Variants in BDH2 observed in about 807,000 individuals in gnomAD.
BDH2 encodes the protein 3-hydroxybutyrate dehydrogenase 2.
A neutral mutation model predicts 33.2 loss-of-function variants in BDH2; 24 were observed. That is an observed-to-expected ratio of 0.72 (90% CI 0.52 to 1.02). The LOEUF (loss-of-function observed/expected upper bound fraction) is 1.02. Among genes scored for constraint, BDH2 ranks in the 50% least tolerant of loss-of-function variants. The probability of loss-of-function intolerance (pLI) is 0.00; values close to 1 mark genes in which losing one functional copy is unlikely to be tolerated. For synonymous variants in BDH2, 81 were observed against 101.6 expected (o/e 0.80, Z 1.22); for missense variants, 249 against 301.6 (o/e 0.83, Z 1.29).
At chr4:103,079,841 T>C in intron 9 of BDH2, 86 bp from the exon 10 acceptor site, 1 of 1,238,210 alleles carries the variant, frequency 8.1e-7, no homozygotes, top group South Asian at 1.2e-5. Context: ...CTAGGATAAC[T>C]AAACAATTTA....
At chr4:103,095,001 C>A (rs1031957925) in intron 3 of BDH2, among the ~76,000 whole-genome samples, 1 of 152,118 alleles carries the variant, frequency 6.6e-6, no homozygotes, top group African/African-American at 2.4e-5. Flanking sequence ...TTTAAGTATT[C>A]GTCCTCAAAT....
chr4:103,081,296 TA>T (rs1308077002), intron 9 of BDH2, among the ~76,000 whole-genome samples: 1 of 152,230 alleles, frequency 6.6e-6, no homozygotes, highest in Non-Finnish European at 1.5e-5. Flanking sequence ...TAAGAATTTT[TA>T]AAAATATTTA....
intron 7 of BDH2, 32 bp downstream of exon 7, chr4:103,085,317 C>T (rs1362826805): frequency 6.5e-7 from 1 of 1,542,900 alleles, no homozygotes; most frequent in Admixed American, 1.8e-5. Context: ...TTCAGTAAAA[C>T]TTTGCTTACA....
At position 103,082,917 on chromosome 4, in the gene BDH2, G is replaced by A. The variant is rs755596540; in HGVS notation, c.545C>T (p.Thr182Met). Residue 182 changes from threonine to methionine, a missense_variant, in exon 8 of 10, where the codon ACG becomes ATG. Physicochemically the swap from Thr to Met is moderately conservative, Grantham distance 81. Coordinates refer to ENST00000296424, the MANE Select transcript of BDH2 (RefSeq NM_020139.4). ...TTGTATTCTTTCTTGTAGAGATGGC[G>A]TATCAACTGTTCCTAAATCAAAGGG... Reference protein sequence around the residue: ...CNCVCPGTVDTPSLQERIQAR... With the variant: ...CNCVCPGTVDMPSLQERIQAR... The A allele has an allele frequency of 2.3e-5, 37 of 1,612,186 alleles. No individual in the cohort carries two copies. The highest frequency in any genetic ancestry group is 9.9e-5 in the South Asian group (9 of 91,052).
Position 103,079,425 on chromosome 4 carries a change from C to CT in BDH2, c.*276dup, listed in dbSNP as rs1354246023. 10 of 384,244 alleles carry CT rather than the reference C, an allele frequency of 2.6e-5. No individual in the cohort carries two copies. The highest frequency in any genetic ancestry group is 3.8e-5 in the Non-Finnish European group (8 of 209,826). The allele number at this position is 384,244 out of a possible 1,614,324, so 23.8% of individuals were successfully genotyped here. On this transcript the variant is annotated 3_prime_UTR_variant, in exon 10 of 10. Transcript: ENST00000296424. ...AATTTGTTATAGCAGCCCAAAGTGA[C>CT]TAAGACAGATGCTAACAAATCGAGA...
chr4:103,093,874 C>T (rs1281687776), intron 3 of BDH2, among the ~76,000 whole-genome samples: 1 of 151,442 alleles, frequency 6.6e-6, no homozygotes, highest in Non-Finnish European at 1.5e-5. Context: ...GTTTCAGAAA[C>T]ATTTCCTTAT....
intron 3 of BDH2, among the ~76,000 whole-genome samples, chr4:103,093,335 T>A (rs936037276): frequency 3.3e-5 from 5 of 151,920 alleles, no homozygotes; most frequent in Non-Finnish European, 7.4e-5. Flanking sequence ...GTCAAGGGTA[T>A]CCAGTCAAAT....
At position 103,079,076 on chromosome 4, in the gene BDH2, A is replaced by G. The variant is rs959357870; in HGVS notation, c.*626T>C. Among the ~76,000 whole-genome samples the G allele has an allele frequency of 1.3e-5, 2 of 152,190 alleles. No individual in the cohort carries two copies. Among genetic ancestry groups the G allele is most frequent in the African/African-American group, 2.4e-5 (1 of 41,454 alleles). On this transcript the variant is annotated 3_prime_UTR_variant, in exon 10 of 10. Transcript: ENST00000296424. ...TTACATTTTAATTGTATATGCTGCA[A>G]TGGCCTATTTGTATCACCCCAGAGT...
At chr4:103,091,757 GA>G (rs1406581982) in intron 4 of BDH2, 1 of 453,796 alleles carries the variant, frequency 2.2e-6, no homozygotes, top group Non-Finnish European at 4.4e-6. Flanking sequence ...AAAAAAAAAA[GA>G]GAGAGAGAAA....
At chr4:103,083,925 A>G (rs1353085180) in intron 7 of BDH2, among the ~76,000 whole-genome samples, 1 of 152,138 alleles carries the variant, frequency 6.6e-6, no homozygotes, top group Non-Finnish European at 1.5e-5. Flanking sequence ...CTCTTGTCAC[A>G]TTTTACTATA....
rs114690029 is a variant in BDH2 at position 103,079,198 on chromosome 4, T to C, written c.*504A>G. 0.011 allele frequency among the ~76,000 whole-genome samples: 1,648 copies of C among 152,266 alleles called. 32 individuals are homozygous for C. The highest frequency in any genetic ancestry group is 0.038 in the African/African-American group (1,581 of 41,530). Reference sequence around the variant, plus strand: ...AGGGTAGTGCCCTCATGAACAGGATTAGTGTCCTTATAAAAAGACACATGA... The same window carrying C: ...AGGGTAGTGCCCTCATGAACAGGATCAGTGTCCTTATAAAAAGACACATGA... On this transcript the variant is annotated 3_prime_UTR_variant, in exon 10 of 10. Coordinates refer to ENST00000296424, the MANE Select transcript of BDH2 (RefSeq NM_020139.4).
intron 4 of BDH2, 30 bp downstream of exon 4, chr4:103,092,570 G>A (rs951378572): frequency 2.0e-5 from 30 of 1,468,128 alleles, no homozygotes; most frequent in Non-Finnish European, 2.7e-5. Flanking sequence ...CTTTCTGTAA[G>A]GAAAGTGAAA....
At chr4:103,086,311 A>G (rs1747778195) in intron 6 of BDH2, 169 bp downstream of exon 6, 1 of 1,332,454 alleles carries the variant, frequency 7.5e-7, no homozygotes, top group African/African-American at 1.5e-5. Context: ...GCTCACATCG[A>G]GAGCAAAAGA....
chr4:103,098,242 T>C (rs1405114678), intron 1 of BDH2, among the ~76,000 whole-genome samples: 1 of 152,096 alleles, frequency 6.6e-6, no homozygotes, highest in Non-Finnish European at 1.5e-5. Context: ...ATTGGAGAAG[T>C]GTTTCAGAGA....
chr4:103,098,191 A>G (rs2125814445), intron 1 of BDH2, among the ~76,000 whole-genome samples: 1 of 152,316 alleles, frequency 6.6e-6, no homozygotes, highest in African/African-American at 2.4e-5. Flanking sequence ...CTGGTGAAAT[A>G]GCAGGGCTGG....
Position 103,078,214 on chromosome 4 carries a change from T to C in BDH2, c.*1488A>G, listed in dbSNP as rs917695429. 1.3e-5 allele frequency among the ~76,000 whole-genome samples: 2 copies of C among 152,222 alleles called. No homozygotes were observed. Among genetic ancestry groups the C allele is most frequent in the African/African-American group, 4.8e-5 (2 of 41,464 alleles). Reference sequence around the variant, plus strand: ...AAATTAAAATAAAAACAAAAAACTTTGCCCTGACAATGTTACAGAATTAAC... The same window carrying C: ...AAATTAAAATAAAAACAAAAAACTTCGCCCTGACAATGTTACAGAATTAAC... On this transcript the variant is annotated 3_prime_UTR_variant, in exon 10 of 10. Transcript: ENST00000296424.
intron 9 of BDH2, 66 bp downstream of exon 9, chr4:103,082,015 T>G (rs761072912): frequency 7.5e-5 from 97 of 1,300,904 alleles, no homozygotes; most frequent in Non-Finnish European, 9.8e-5. Context: ...TGATATTATT[T>G]TGATGAGCAA....
chr4:103,090,301 C>G (rs943469221), intron 5 of BDH2, among the ~76,000 whole-genome samples: 1 of 152,120 alleles, frequency 6.6e-6, no homozygotes, highest in Non-Finnish European at 1.5e-5. Context: ...TGATTTATAC[C>G]AAGAGGTACT....
At chr4:103,096,870 T>C (rs971756527) in intron 1 of BDH2, among the ~76,000 whole-genome samples, 1 of 152,230 alleles carries the variant, frequency 6.6e-6, no homozygotes, top group East Asian at 1.9e-4. Context: ...TACCTTATCC[T>C]TCCTTCAGTA....
Sources: gnomAD v4.1 joint callset for allele counts (sites outside exome capture counted in the v4.1 genomes callset) on GRCh38, gnomAD v4.1.1 for gene constraint, MANE v1.5 for transcripts, NCBI Gene and HGNC (gene_info 2026-07-23, HGNC 2026-07-21) for gene names.